Variants in PIP4P2 observed in about 807,000 individuals in gnomAD.
PIP4P2 encodes phosphatidylinositol-4,5-bisphosphate 4-phosphatase 2.
Under a neutral mutation model 33.3 loss-of-function variants are expected in PIP4P2, and 19 were observed. The ratio of observed to expected loss-of-function variants is 0.57; its 90% CI spans 0.40 to 0.84. The LOEUF (loss-of-function observed/expected upper bound fraction) is 0.84. Among genes scored for constraint, PIP4P2 ranks in the 40% least tolerant of loss-of-function variants. The pLI, the probability that PIP4P2 is intolerant of heterozygous loss-of-function variation, is 0.00. For synonymous variants in PIP4P2, 110 were observed against 111.9 expected, an observed-to-expected ratio of 0.98 and a Z score of 0.11; for missense variants, 270 against 324.7, an observed-to-expected ratio of 0.83 and a Z score of 1.29.
At chr8:90,999,664 G>A (rs1291418702) in intron 5 of PIP4P2, among the ~76,000 whole-genome samples, 2 of 152,032 alleles carry the variant, frequency 1.3e-5, no homozygotes, top group South Asian at 2.1e-4. Context: ...TAAAAGGAAG[G>A]AGAAAACAGC....
chr8:91,027,813 A>C (rs1392646595), intron 1 of PIP4P2, among the ~76,000 whole-genome samples: 1 of 152,166 alleles, frequency 6.6e-6, no homozygotes, highest in African/African-American at 2.4e-5. Context: ...CAGAGTTAGG[A>C]ATGTTGAAGT....
At chr8:91,017,032 T>C (rs1235809411) in intron 4 of PIP4P2, among the ~76,000 whole-genome samples, 1 of 152,178 alleles carries the variant, frequency 6.6e-6, no homozygotes, top group Non-Finnish European at 1.5e-5. Flanking sequence ...ACACTAAGTA[T>C]TAATTAAACA....
intron 4 of PIP4P2, among the ~76,000 whole-genome samples, 171 bp from the exon 5 acceptor site, chr8:91,008,966 A>C (rs1312548987): frequency 6.6e-6 from 1 of 152,140 alleles, no homozygotes; most frequent in Non-Finnish European, 1.5e-5. Context: ...CTTAAAATAC[A>C]ATATGAGATC....
At chr8:91,008,835 C>T in intron 4 of PIP4P2, 40 bp from the exon 5 acceptor site, 1 of 1,525,520 alleles carries the variant, frequency 6.6e-7, no homozygotes, top group Non-Finnish European at 9.0e-7. Flanking sequence ...AAGAAAACAA[C>T]TGAAAACTAT....
chr8:91,036,183 T>A (rs1209510442), intron 1 of PIP4P2, among the ~76,000 whole-genome samples: 1 of 151,846 alleles, frequency 6.6e-6, no homozygotes, highest in East Asian at 1.9e-4. Context: ...ACACACAATT[T>A]TATATATTCA....
chr8:91,026,451 G>C (rs60109892), intron 1 of PIP4P2, among the ~76,000 whole-genome samples: 1,669 of 152,186 alleles, frequency 0.011, 33 homozygotes, highest in African/African-American at 0.037. Context: ...GCTAGCCAGT[G>C]CTTCTTCAGA....
chr8:91,029,043 A>C (rs533986689), intron 1 of PIP4P2, among the ~76,000 whole-genome samples: 2 of 152,316 alleles, frequency 1.3e-5, no homozygotes, highest in South Asian at 4.1e-4. Flanking sequence ...CTATAATCCC[A>C]GCACTTTGGG....
Position 90,993,934 on chromosome 8 carries a change from A to G in PIP4P2, c.*1743T>C, listed in dbSNP as rs997117452. The G allele has an allele frequency of 1.3e-5, 2 of 152,204 alleles. No homozygotes were observed. Among genetic ancestry groups the G allele is most frequent in the East Asian group, 3.8e-4 (2 of 5,202 alleles). The allele number at this position is 152,204 out of a possible 1,614,324, so 9.4% of individuals were successfully genotyped here. A position where few individuals can be genotyped will look rare whatever the true frequency, so the allele number is the denominator to read the frequency against. On this transcript the variant is annotated 3_prime_UTR_variant, in exon 7 of 7. Transcript: ENST00000285419. ...CAAGACTACCAGGGTTCTTGCTCTCATAAAGTTATTATTCCAGAAGGAATA... is the reference window on the plus strand; with the variant it reads ...CAAGACTACCAGGGTTCTTGCTCTCGTAAAGTTATTATTCCAGAAGGAATA...
intron 1 of PIP4P2, among the ~76,000 whole-genome samples, chr8:91,034,050 T>G (rs1490627866): frequency 7.9e-5 from 12 of 151,772 alleles, no homozygotes; most frequent in African/African-American, 2.9e-4. Flanking sequence ...GTTTCAGGTC[T>G]CTCGGTGATT....
chr8:91,018,630 TAAATGTC>T (rs1811954942), intron 3 of PIP4P2, 117 bp from the exon 4 acceptor site: 1 of 1,483,200 alleles, frequency 6.7e-7, no homozygotes. Context: ...TTAAGTGAAT[TAAATGTC>T]AAGCTGGAGG....
rs1812006004 is a variant in PIP4P2, at chr8:91,021,314, T to C, written c.197A>G (p.Asn66Ser). ...ATGCTGGTGAAGCTTGCCATCCAAA[T>C]TGATTAGTGATTGGCACACACGGCA... ...INCRVCQSLI[N>S]LDGKLHQHVV... Residue 66 changes from asparagine (N) to serine (S), a missense_variant, in exon 2 of 7, where the codon AAT (asparagine) becomes AGT (serine). By Grantham distance (46) the Asn-to-Ser change is conservative (BLOSUM62 1). Transcript: ENST00000285419. 14 of 1,613,714 alleles carry C rather than the reference T, an allele frequency of 8.7e-6. No individual in the cohort carries two copies. The highest frequency in any genetic ancestry group is 1.6e-4 in the Middle Eastern group (1 of 6,082).
In PIP4P2 at chr8:91,040,724, C is replaced by T; in HGVS notation, c.26G>A (p.Arg9His). The T allele has an allele frequency of 6.2e-7, 1 of 1,612,536 alleles. No individual in the cohort carries two copies. The highest frequency in any genetic ancestry group is 8.5e-7 in the Non-Finnish European group (1 of 1,179,998). The change falls in exon 1 of 7, where the codon CGC becomes CAC. Residue 9 changes from arginine (R) to histidine (H), a missense_variant. Arg to His is a conservative substitution (Grantham distance 29, BLOSUM62 0). Transcript: ENST00000285419. MAADGVDE[R>H]SPLLSASHSG... ...GTGGGATGCTGACAGCAGAGGCGAG[C>T]GTTCGTCCACCCCATCAGCAGCCAT...
chr8:91,011,927 AAAATT>A (rs1236435662), intron 4 of PIP4P2, among the ~76,000 whole-genome samples: 1 of 151,970 alleles, frequency 6.6e-6, no homozygotes, highest in Non-Finnish European at 1.5e-5. Flanking sequence ...GTAAAATATC[AAAATT>A]AAATTATTTT....
Position 91,021,317 on chromosome 8 carries a change from A to T in PIP4P2, c.194T>A (p.Ile65Asn). Residue 65 changes from isoleucine (I) to asparagine (N), a missense_variant, in exon 2 of 7, where the codon ATC becomes AAC. Ile to Asn is a moderately radical substitution (Grantham distance 149, BLOSUM62 -3). Transcript: ENST00000285419. ...CTGGTGAAGCTTGCCATCCAAATTG[A>T]TTAGTGATTGGCACACACGGCAGTT... ...VINCRVCQSL[I>N]NLDGKLHQHV... is the part of the protein sequence containing the mutation. 1 of 1,613,836 alleles carries T rather than the reference A, an allele frequency of 6.2e-7. No individual in the cohort carries two copies. The highest frequency in any genetic ancestry group is 8.5e-7 in the Non-Finnish European group (1 of 1,179,826).
At chr8:91,033,864 C>T (rs2130382399) in intron 1 of PIP4P2, among the ~76,000 whole-genome samples, 1 of 152,288 alleles carries the variant, frequency 6.6e-6, no homozygotes, top group Middle Eastern at 3.4e-3. Flanking sequence ...ACTGCAGCCT[C>T]AAGCTCCTGG....
chr8:91,021,513 CT>C, intron 1 of PIP4P2, 109 bp from the exon 2 acceptor site: 1 of 1,320,294 alleles, frequency 7.6e-7, no homozygotes, highest in Non-Finnish European at 1.0e-6. Context: ...TTCCCACGTT[CT>C]TTTATTTATT....
At chr8:91,032,574 A>G (rs764499477) in intron 1 of PIP4P2, among the ~76,000 whole-genome samples, 1 of 152,220 alleles carries the variant, frequency 6.6e-6, no homozygotes, top group Non-Finnish European at 1.5e-5. Context: ...TGAGGTCAGG[A>G]GCTCGAGACC....
chr8:91,000,856 G>A (rs1444646544), intron 5 of PIP4P2, among the ~76,000 whole-genome samples: 5 of 151,884 alleles, frequency 3.3e-5, no homozygotes, highest in Non-Finnish European at 7.4e-5. Context: ...TTCCAGATCA[G>A]ATATATAATT....
intron 1 of PIP4P2, among the ~76,000 whole-genome samples, chr8:91,030,904 T>C (rs749749403): frequency 6.6e-6 from 1 of 152,242 alleles, no homozygotes; most frequent in Admixed American, 6.5e-5. Flanking sequence ...TGGCTTATTA[T>C]GGTGGTTTTA....
Sources: gnomAD v4.1 joint callset for allele counts (sites outside exome capture counted in the v4.1 genomes callset) on GRCh38, gnomAD v4.1.1 for gene constraint, MANE v1.5 for transcripts, NCBI Gene and HGNC (gene_info 2026-07-23, HGNC 2026-07-21) for gene names.